The following SNX24 variants were observed in gnomAD, a reference collection of about 807,000 sequenced individuals.
SNX24 encodes sorting nexin-24.
In SNX24, 22 loss-of-function variants were observed where a neutral mutation model predicts 28.7. That is an observed-to-expected ratio of 0.77 (90% CI 0.55 to 1.10). The LOEUF is 1.10. SNX24 is among the 50% of genes least tolerant of loss of function. The pLI is 0.00. For missense variants in SNX24, 221 were observed against 201.1 expected (o/e 1.10, Z -0.60); for synonymous variants, 69 against 71.5 (o/e 0.96, Z 0.18).
intron 1 of SNX24, among the ~76,000 whole-genome samples, chr5:122,882,603 C>T (rs1364824995): frequency 6.6e-6 from 1 of 152,212 alleles, no homozygotes; most frequent in East Asian, 1.9e-4. Context: ...TGTCTTGAAA[C>T]ATCCTGATTG....
chr5:122,932,023 A>C (rs575806290), intron 1 of SNX24, among the ~76,000 whole-genome samples: 2 of 152,288 alleles, frequency 1.3e-5, no homozygotes, highest in Non-Finnish European at 2.9e-5. Context: ...CTTGACTTCT[A>C]GTATAATTTC....
intron 1 of SNX24, among the ~76,000 whole-genome samples, chr5:122,931,925 T>A (rs1314735939): frequency 6.6e-6 from 1 of 152,126 alleles, no homozygotes; most frequent in Non-Finnish European, 1.5e-5. Flanking sequence ...AAATATAAGT[T>A]AAGTCCTTCC....
At chr5:122,965,309 G>C in intron 3 of SNX24, 1 of 352,376 alleles carries the variant, frequency 2.8e-6, no homozygotes, top group Admixed American at 3.1e-5. Context: ...AGCCTGGAGT[G>C]CATTCATTTT....
At position 122,856,614 on chromosome 5, in the gene SNX24, C is replaced by G. The variant is rs553240441; in HGVS notation, c.60+10921C>G. Among the ~76,000 whole-genome samples the G allele has an allele frequency of 1.4e-4, 21 of 149,552 alleles. No individual in the cohort carries two copies. In the South Asian group the frequency reaches 4.4e-3, roughly 32 times the overall value. ...TACTGCAACCTCTGCCTCCCAGGTT[C>G]AAACAATTCTCATGCCTTAGCCTCC... On this transcript the variant is annotated intron_variant, in intron 1 of 6. Transcript: ENST00000261369.
chr5:122,942,555 G>A (rs1329930816), intron 2 of SNX24, among the ~76,000 whole-genome samples: 3 of 152,206 alleles, frequency 2.0e-5, no homozygotes, highest in African/African-American at 7.2e-5. Flanking sequence ...TATAACCAAT[G>A]TATGCAGTGA....
intron 3 of SNX24, among the ~76,000 whole-genome samples, chr5:122,972,724 A>G (rs895580564): frequency 6.6e-6 from 1 of 152,182 alleles, no homozygotes; most frequent in Non-Finnish European, 1.5e-5. Context: ...AGGCAAACCC[A>G]TATCTGGAGT....
chr5:122,897,850 C>T (rs931659403), intron 1 of SNX24, among the ~76,000 whole-genome samples: 5 of 152,086 alleles, frequency 3.3e-5, no homozygotes, highest in African/African-American at 1.2e-4. Context: ...ATGTCTGAGA[C>T]TTTTTTCTGT....
At chr5:122,860,652 A>G (rs1179775032) in intron 1 of SNX24, among the ~76,000 whole-genome samples, 1 of 152,178 alleles carries the variant, frequency 6.6e-6, no homozygotes, top group Non-Finnish European at 1.5e-5. Flanking sequence ...CTTGGAGTGC[A>G]GTGGCATGGT....
intron 1 of SNX24, among the ~76,000 whole-genome samples, chr5:122,872,972 G>GT (rs994323642): frequency 6.6e-6 from 1 of 151,944 alleles, no homozygotes; most frequent in Non-Finnish European, 1.5e-5. Context: ...TAGTTTTTTG[G>GT]TTTTTGGTTT....
chr5:122,881,685 G>A (rs1483701088), intron 1 of SNX24, among the ~76,000 whole-genome samples: 1 of 151,476 alleles, frequency 6.6e-6, no homozygotes, highest in African/African-American at 2.4e-5. Context: ...TATGGTTATT[G>A]TGAGGATTGA....
intron 3 of SNX24, among the ~76,000 whole-genome samples, chr5:122,968,629 G>A (rs151020779): frequency 6.6e-6 from 1 of 152,104 alleles, no homozygotes; most frequent in Admixed American, 6.5e-5. Context: ...TTTGACAATG[G>A]CAGTCATTAA....
chr5:122,991,006 C>T (rs988939536), intron 3 of SNX24, among the ~76,000 whole-genome samples: 1 of 151,918 alleles, frequency 6.6e-6, no homozygotes, highest in Non-Finnish European at 1.5e-5. Flanking sequence ...AAGCAATTCT[C>T]CTGTCTCGGC....
chr5:122,898,321 A>G (rs375176662), intron 1 of SNX24, among the ~76,000 whole-genome samples: 42 of 152,344 alleles, frequency 2.8e-4, no homozygotes, highest in Non-Finnish European at 5.4e-4. Flanking sequence ...GCAAGGGGAA[A>G]ATTGTCTGCA....
chr5:122,891,237 C>A, intron 1 of SNX24: 1 of 1,044,930 alleles, frequency 9.6e-7, no homozygotes, highest in Non-Finnish European at 1.3e-6. Context: ...TTTAAAGTGC[C>A]TATTTATTCT....
Position 123,008,385 on chromosome 5 carries a change from A to AT in SNX24, c.*637dup. The AT allele has an allele frequency of 2.7e-6, 2 of 733,586 alleles. No homozygotes were observed. Among genetic ancestry groups the AT allele is most frequent in the South Asian group, 1.2e-4 (2 of 16,396 alleles). The allele number at this position is 733,586 out of a possible 1,614,324, so 45.4% of individuals were successfully genotyped here. On this transcript the variant is annotated 3_prime_UTR_variant, in exon 7 of 7. Coordinates refer to ENST00000261369, the MANE Select transcript of SNX24 (RefSeq NM_014035.4). ...AGGGGTTAGCTTCCAAGGTCAGTACATAGGTAAAATGGGCTATTAGGATGA... is the reference window on the plus strand; with the variant it reads ...AGGGGTTAGCTTCCAAGGTCAGTACATTAGGTAAAATGGGCTATTAGGATGA...
intron 3 of SNX24, among the ~76,000 whole-genome samples, chr5:122,961,449 T>C (rs917031430): frequency 1.3e-5 from 2 of 152,204 alleles, no homozygotes; most frequent in Admixed American, 6.5e-5. Context: ...ATGAAGGTCC[T>C]GCTTATAACA....
intron 2 of SNX24, among the ~76,000 whole-genome samples, chr5:122,940,213 C>T (rs926661892): frequency 3.9e-5 from 6 of 152,038 alleles, no homozygotes; most frequent in Admixed American, 2.0e-4. Flanking sequence ...AGGCTAGTTT[C>T]GAACTCCTGA....
chr5:122,985,543 T>A lies in SNX24; in HGVS notation c.250-14369T>A, dbSNP rs1202148778. ...GTAGTTGAGAGGATTAAGCGACCCATTATATGTGAGGCCACTTAGCAAGCC... is the reference window on the plus strand; with the variant it reads ...GTAGTTGAGAGGATTAAGCGACCCAATATATGTGAGGCCACTTAGCAAGCC... On this transcript the variant is annotated intron_variant, in intron 3 of 6. Transcript: ENST00000261369. 2.6e-5 allele frequency among the ~76,000 whole-genome samples: 4 copies of A among 150,986 alleles called. No homozygotes were observed. The East Asian group carries it at 7.7e-4, about 29-fold the overall frequency.
intron 1 of SNX24, among the ~76,000 whole-genome samples, chr5:122,880,520 C>T (rs1756430622): frequency 6.6e-6 from 1 of 152,138 alleles, no homozygotes; most frequent in South Asian, 2.1e-4. Context: ...AACCTGCCTG[C>T]CTGCTTATGT....
Sources: gnomAD v4.1 joint callset for allele counts (sites outside exome capture counted in the v4.1 genomes callset) on GRCh38, gnomAD v4.1.1 for gene constraint, MANE v1.5 for transcripts, NCBI Gene and HGNC (gene_info 2026-07-23, HGNC 2026-07-21) for gene names.